Variants in CATSPERT observed in about 807,000 individuals in gnomAD.
The protein encoded by CATSPERT is catsper channel auxiliary subunit tau.
chr2:201,619,151 G>T, the CATSPERT span: 1 of 1,612,266 alleles, frequency 6.2e-7, no homozygotes, highest in Non-Finnish European at 8.5e-7. Flanking sequence ...TCTGCGGCCT[G>T]TCTGCGCCCA....
chr2:201,565,639 T>C, the CATSPERT span: 116 of 1,301,138 alleles, frequency 8.9e-5, 1 homozygote, highest in South Asian at 2.1e-3. Context: ...CAAGCCTATG[T>C]CTCAAAGGGA....
At chr2:201,603,195 T>G in the CATSPERT span, 9 of 1,594,974 alleles carry the variant, frequency 5.6e-6, no homozygotes, top group South Asian at 1.0e-4. Flanking sequence ...ATATAATTAC[T>G]ATGATTCTTA....
At chr2:201,595,719 G>T in the CATSPERT span, among the ~76,000 whole-genome samples, 1 of 152,134 alleles carries the variant, frequency 6.6e-6, no homozygotes, top group Non-Finnish European at 1.5e-5. Context: ...ATTTAAGTCT[G>T]CAGAGGTTAC....
the CATSPERT span, among the ~76,000 whole-genome samples, chr2:201,539,456 G>A: frequency 4.8e-5 from 7 of 145,082 alleles, no homozygotes; most frequent in East Asian, 8.0e-4. Context: ...TTGGCCATAT[G>A]TGTGTCTTCT....
At chr2:201,608,674 A>G in the CATSPERT span, among the ~76,000 whole-genome samples, 4 of 152,040 alleles carry the variant, frequency 2.6e-5, no homozygotes, top group African/African-American at 9.7e-5. Context: ...AAAATTAGCC[A>G]GGCATGGTGG....
At chr2:201,562,351 C>A in the CATSPERT span, among the ~76,000 whole-genome samples, 1 of 151,510 alleles carries the variant, frequency 6.6e-6, no homozygotes, top group African/African-American at 2.4e-5. Context: ...CCACGCCCGG[C>A]TAATTTTTTG....
the CATSPERT span, among the ~76,000 whole-genome samples, chr2:201,590,977 C>T: frequency 6.6e-6 from 1 of 152,122 alleles, no homozygotes; most frequent in Non-Finnish European, 1.5e-5. Flanking sequence ...GCAAGAAGCT[C>T]TTTAGTTTAA....
At chr2:201,488,585 A>G in the CATSPERT span, among the ~76,000 whole-genome samples, 1 of 152,238 alleles carries the variant, frequency 6.6e-6, no homozygotes, top group Non-Finnish European at 1.5e-5. Flanking sequence ...TATATAAGGT[A>G]TGAATCTAGT....
the CATSPERT span, among the ~76,000 whole-genome samples, chr2:201,517,582 G>C: frequency 9.2e-5 from 14 of 152,230 alleles, no homozygotes; most frequent in Non-Finnish European, 1.8e-4. Flanking sequence ...GTCAGAAAGA[G>C]AGGACTATAT....
At chr2:201,554,877 A>T in the CATSPERT span, 71,916 of 152,022 alleles carry the variant, frequency 0.47, 17,514 homozygotes, top group Non-Finnish European at 0.54. Context: ...CGTATCATTA[A>T]TTTTTATCCA....
chr2:201,494,864 A>C, the CATSPERT span: 1 of 1,081,846 alleles, frequency 9.2e-7, no homozygotes, highest in Non-Finnish European at 1.2e-6. Context: ...GTATCTATTC[A>C]GTCTCCTACC....
chr2:201,527,564 T>C, the CATSPERT span, among the ~76,000 whole-genome samples: 4 of 152,046 alleles, frequency 2.6e-5, no homozygotes, highest in African/African-American at 7.2e-5. Context: ...AACAGACACA[T>C]AGACCAATGG....
chr2:201,512,087 C>T, the CATSPERT span, among the ~76,000 whole-genome samples: 5 of 152,042 alleles, frequency 3.3e-5, no homozygotes, highest in Admixed American at 2.0e-4. Context: ...TAGTGGGTTA[C>T]AAACCCAATT....
chr2:201,530,020 T>A, the CATSPERT span, among the ~76,000 whole-genome samples: 2 of 152,136 alleles, frequency 1.3e-5, no homozygotes, highest in Non-Finnish European at 2.9e-5. Flanking sequence ...ATATCTCTGA[T>A]CATCAGAGAA....
the CATSPERT span, among the ~76,000 whole-genome samples, chr2:201,582,589 C>T: frequency 3.3e-5 from 5 of 152,256 alleles, no homozygotes; most frequent in African/African-American, 7.2e-5. Flanking sequence ...CTACCCAATA[C>T]GAAATCCAAA....
At chr2:201,587,659 G>A in the CATSPERT span, among the ~76,000 whole-genome samples, 1 of 152,064 alleles carries the variant, frequency 6.6e-6, no homozygotes, top group African/African-American at 2.4e-5. Flanking sequence ...GTACATATGT[G>A]TGATCATTTC....
At chr2:201,581,548 G>GTATATATATATATATA in the CATSPERT span, among the ~76,000 whole-genome samples, 1 of 9,662 alleles carries the variant, frequency 1.0e-4, no homozygotes. Flanking sequence ...AAAAATGTGT[G>GTATATATATATATATA]TATATATATA....
the CATSPERT span, among the ~76,000 whole-genome samples, chr2:201,530,078 G>A: frequency 6.6e-6 from 1 of 152,154 alleles, no homozygotes; most frequent in African/African-American, 2.4e-5. Flanking sequence ...CTGTTACAAG[G>A]GCTATTATCA....
the CATSPERT span, among the ~76,000 whole-genome samples, chr2:201,609,720 C>T: frequency 6.6e-6 from 1 of 152,070 alleles, no homozygotes; most frequent in African/African-American, 2.4e-5. Flanking sequence ...TAGCAGTAAG[C>T]ACCTATATCA....
Sources: allele counts gnomAD v4.1 joint callset (sites outside exome capture counted in the v4.1 genomes callset), GRCh38; gene constraint gnomAD v4.1.1; transcripts MANE v1.5; gene names NCBI Gene and HGNC (gene_info 2026-07-23, HGNC 2026-07-21).